The following HEBP2 variants were observed in gnomAD, a reference collection of about 807,000 sequenced individuals.
HEBP2 encodes the protein heme-binding protein 2.
HEBP2 carries 27 observed loss-of-function variants against 23.1 expected under a neutral mutation model. The ratio of observed to expected loss-of-function variants is 1.17; its 90% CI spans 0.86 to 1.61. The LOEUF (loss-of-function observed/expected upper bound fraction) is 1.61, where lower values mean the gene tolerates loss of function less well. HEBP2 is among the 40% of genes most tolerant of loss of function. HEBP2 has a pLI of 0.00. For missense variants in HEBP2, 245 were observed against 253.8 expected (o/e 0.97, Z 0.24); for synonymous variants, 99 against 95.1 (o/e 1.04, Z -0.24).
Position 138,421,373 on chromosome 6 carries a change from C to T in HEBP2, c.*8295C>T, listed in dbSNP as rs980960914. 3.9e-5 allele frequency: 6 copies of T among 152,186 alleles called. No homozygotes were observed. Among genetic ancestry groups the T allele is most frequent in the Non-Finnish European group, 8.8e-5 (6 of 68,018 alleles). 9.4% of individuals were successfully genotyped at this position (152,186 alleles called of 1,614,324 possible). On this transcript the variant is annotated 3_prime_UTR_variant, in exon 4 of 4. Transcript: ENST00000607197. ...ACGTCTCCTTTTCACTGTGATTCTCCTAAGGAATATACAGTCACCCCCACA... is the reference window on the plus strand; with the variant it reads ...ACGTCTCCTTTTCACTGTGATTCTCTTAAGGAATATACAGTCACCCCCACA...
In HEBP2 at chr6:138,405,254, G is replaced by GCTA; in HGVS notation, c.214_216dup (p.Tyr72dup). ...CAGACGGGCTTTACGAAACTGAACAGCTACATTCAAGGCAAAAACGAGAAA... is the reference window on the plus strand; with the variant it reads ...CAGACGGGCTTTACGAAACTGAACAGCTACTACATTCAAGGCAAAAACGAGAAA... On this transcript the variant is annotated inframe_insertion, in exon 2 of 4. Coordinates refer to ENST00000607197, the MANE Select transcript of HEBP2 (RefSeq NM_014320.3). The GCTA allele has an allele frequency of 6.2e-7, 1 of 1,614,166 alleles. No individual in the cohort carries two copies. The highest frequency in any genetic ancestry group is 8.5e-7 in the Non-Finnish European group (1 of 1,180,020).
At chr6:138,404,171 G>A (rs1583100206), upstream of HEBP2, 1 of 247,592 alleles carries the variant, frequency 4.0e-6, no homozygotes, top group South Asian at 1.7e-4. Flanking sequence ...AACAAAGGCG[G>A]GGCGGGGGCG....
chr6:138,405,228 C>G lies in HEBP2; in HGVS notation c.186C>G (p.Ile62Met), dbSNP rs575066766. The stretch of plus-strand genomic sequence containing the variant: ...AGTCTATGGACTGGGATTCAGCCAT[C>G]CAGACGGGCTTTACGAAACTGAACA... ...SVESMDWDSAIQTGFTKLNSY... is the reference protein window; with the variant it reads ...SVESMDWDSAMQTGFTKLNSY... Residue 62 changes from isoleucine to methionine, a missense_variant, in exon 2 of 4, where the codon ATC becomes ATG. Ile to Met is a conservative substitution (Grantham distance 10). Transcript: ENST00000607197. 1 of 1,614,160 alleles carries G rather than the reference C, an allele frequency of 6.2e-7. No homozygotes were observed. The highest frequency in any genetic ancestry group is 1.7e-5 in the Admixed American group (1 of 60,028).
At position 138,412,917 on chromosome 6, in the gene HEBP2, G is replaced by T. The variant is rs34750897; in HGVS notation, c.457G>T (p.Glu153Ter). 5.6e-6 allele frequency: 9 copies of T among 1,613,868 alleles called. No individual in the cohort carries two copies. The African/African-American group carries it at 1.1e-4, about 19-fold the overall frequency. ...ATTTTCTAGTGCCCAAAAGAATCAA[G>T]AACAACTTTTGACATTAGCAAGCAT... ...DGFSSAQKNQEQLLTLASILR... is the reference protein window; with the variant it reads ...DGFSSAQKNQ The change falls in exon 4 of 4, where the codon GAA becomes TAA. Residue 153 changes from glutamate to a stop codon, truncating the protein, a stop_gained. Coordinates refer to ENST00000607197, the MANE Select transcript of HEBP2 (RefSeq NM_014320.3). LOFTEE classifies it high-confidence loss of function.
In HEBP2 at chr6:138,408,509, C is replaced by A. The variant is rs772077618; in HGVS notation, c.419+2358C>A. Among the ~76,000 whole-genome samples the A allele has an allele frequency of 3.4e-3, 524 of 152,224 alleles. 3 individuals carry two copies. The highest frequency in any genetic ancestry group is 4.3e-3 in the Non-Finnish European group (293 of 68,006). On this transcript the variant is annotated intron_variant, in intron 3 of 3. Coordinates refer to ENST00000607197, the MANE Select transcript of HEBP2 (RefSeq NM_014320.3). Reference sequence around the variant, plus strand: ...CGAGACCTTATGAGAATGGCCTTTACCGCAAATCACCATGATCTGGTATGA... The same window carrying A: ...CGAGACCTTATGAGAATGGCCTTTAACGCAAATCACCATGATCTGGTATGA...
Position 138,419,740 on chromosome 6 carries a change from G to A in HEBP2, c.*6662G>A, listed in dbSNP as rs748857211. 3 of 152,226 alleles carry A rather than the reference G, an allele frequency of 2.0e-5. No homozygotes were observed. The highest frequency in any genetic ancestry group is 4.4e-5 in the Non-Finnish European group (3 of 68,044). The allele number at this position is 152,226 out of a possible 1,614,324, so 9.4% of individuals were successfully genotyped here. ...ATAGATTTCAGAACCAAGGAGTGGAGGCAGGAGTGACCCCACTTACCATCG... is the reference window on the plus strand; with the variant it reads ...ATAGATTTCAGAACCAAGGAGTGGAAGCAGGAGTGACCCCACTTACCATCG... On this transcript the variant is annotated 3_prime_UTR_variant, in exon 4 of 4. Transcript: ENST00000607197.
In HEBP2 at chr6:138,413,260, G is replaced by C; in HGVS notation, c.*182G>C. The stretch of plus-strand genomic sequence containing the variant: ...TTATCTACATACACAGGTAACAGAG[G>C]ACAGTAGTCTGTAAACATATAAATC... On this transcript the variant is annotated 3_prime_UTR_variant, in exon 4 of 4. Transcript: ENST00000607197. 1 of 568,972 alleles carries C rather than the reference G, an allele frequency of 1.8e-6. No homozygotes were observed. Among genetic ancestry groups the C allele is most frequent in the Non-Finnish European group, 3.1e-6 (1 of 319,382 alleles). The allele number at this position is 568,972 out of a possible 1,614,324, so 35.2% of individuals were successfully genotyped here.
In HEBP2 at chr6:138,417,359, A is replaced by G. The variant is rs1297880803; in HGVS notation, c.*4281A>G. 6.6e-6 allele frequency: 1 copy of G among 152,248 alleles called. No homozygotes were observed. The highest frequency in any genetic ancestry group is 1.5e-5 in the Non-Finnish European group (1 of 68,042). The allele number at this position is 152,248 out of a possible 1,614,324, so 9.4% of individuals were successfully genotyped here. On this transcript the variant is annotated 3_prime_UTR_variant, in exon 4 of 4. Transcript: ENST00000607197. ...AACCATAATAAATATTGCCTTGAAC[A>G]GTATTTTTTAAGCACCTCGGGTGAA...
intron 3 of HEBP2, among the ~76,000 whole-genome samples, chr6:138,406,372 A>G (rs1319628219): frequency 6.6e-6 from 1 of 152,256 alleles, no homozygotes; most frequent in East Asian, 1.9e-4. Context: ...TGCCCTTCAT[A>G]TAAGACACGG....
Position 138,414,299 on chromosome 6 carries a change from A to G in HEBP2, c.*1221A>G, listed in dbSNP as rs1774805216. ...AACTGCGGACCTTATGCAGGGTTTTAGGAAGGATTAACAGACTTTCAAAAG... is the reference window on the plus strand; with the variant it reads ...AACTGCGGACCTTATGCAGGGTTTTGGGAAGGATTAACAGACTTTCAAAAG... On this transcript the variant is annotated 3_prime_UTR_variant, in exon 4 of 4. Transcript: ENST00000607197. The G allele has an allele frequency of 6.6e-6, 1 of 152,268 alleles. No individual in the cohort carries two copies. The highest frequency in any genetic ancestry group is 2.4e-5 in the African/African-American group (1 of 41,468). 9.4% of individuals were successfully genotyped at this position (152,268 alleles called of 1,614,324 possible). A position where few individuals can be genotyped will look rare whatever the true frequency, so the allele number is the denominator to read the frequency against.
At chr6:138,405,061 C>T (rs1472044648) in intron 1 of HEBP2, 84 bp from the exon 2 acceptor site, 1 of 1,489,708 alleles carries the variant, frequency 6.7e-7, no homozygotes, top group African/African-American at 1.4e-5. Context: ...TCCAGGTCGA[C>T]CCGAGATCAT....
In HEBP2 at chr6:138,420,886, T is replaced by C. The variant is rs1774915837; in HGVS notation, c.*7808T>C. ...TAAACTGGCAGTAGGATCATGCCCCTCACTGATAGCTCAACCACGTTTTCT... is the reference window on the plus strand; with the variant it reads ...TAAACTGGCAGTAGGATCATGCCCCCCACTGATAGCTCAACCACGTTTTCT... On this transcript the variant is annotated 3_prime_UTR_variant, in exon 4 of 4. Transcript: ENST00000607197. The C allele has an allele frequency of 6.6e-6, 1 of 152,248 alleles. No individual in the cohort carries two copies. The highest frequency in any genetic ancestry group is 1.5e-5 in the Non-Finnish European group (1 of 68,044). The allele number at this position is 152,248 out of a possible 1,614,324, so 9.4% of individuals were successfully genotyped here. A position where few individuals can be genotyped will look rare whatever the true frequency, so the allele number is the denominator to read the frequency against.
In HEBP2 at chr6:138,404,507, G is replaced by T. The variant is rs1333629583; in HGVS notation, c.12G>T (p.Pro4=). The T allele has an allele frequency of 7.7e-7, 1 of 1,306,258 alleles. No individual in the cohort carries two copies. Among genetic ancestry groups the T allele is most frequent in the African/African-American group, 1.5e-5 (1 of 65,100 alleles). The allele number at this position is 1,306,258 out of a possible 1,614,324, so 80.9% of individuals were successfully genotyped here. A position where few individuals can be genotyped will look rare whatever the true frequency, so the allele number is the denominator to read the frequency against. ...CGTCAGCGCCGCCCATGGCCGAGCC[G>T]CTCCAGCCAGACCCCGGGGCGGCCG... The part of the protein sequence containing the change: MAE[P]LQPDPGAAED... The change falls in exon 1 of 4, where the codon CCG becomes CCT. Residue 4 remains proline, a synonymous_variant. Transcript: ENST00000607197.
At chr6:138,412,557 G>A (rs1314131401) in intron 3 of HEBP2, among the ~76,000 whole-genome samples, 5 of 152,222 alleles carry the variant, frequency 3.3e-5, no homozygotes, top group East Asian at 3.9e-4. Context: ...AGGTTCAAGC[G>A]ATTCTCCTGC....
chr6:138,406,385 C>A (rs1356461174), intron 3 of HEBP2, among the ~76,000 whole-genome samples: 1 of 152,176 alleles, frequency 6.6e-6, no homozygotes, highest in African/African-American at 2.4e-5. Flanking sequence ...AGACACGGTG[C>A]AAATTATATG....
chr6:138,410,637 C>T (rs950626192), intron 3 of HEBP2, among the ~76,000 whole-genome samples: 6 of 152,118 alleles, frequency 3.9e-5, no homozygotes, highest in Non-Finnish European at 7.4e-5. Flanking sequence ...CACCCCTCCT[C>T]ACTATGCCTG....
At position 138,420,954 on chromosome 6, in the gene HEBP2, T is replaced by G. The variant is rs1167363861; in HGVS notation, c.*7876T>G. On this transcript the variant is annotated 3_prime_UTR_variant, in exon 4 of 4. Transcript: ENST00000607197. The stretch of plus-strand genomic sequence containing the variant: ...TCTTTACCTAGCACATGAGAAGCAT[T>G]TATTAGGACTTTTTTTCCCCCATTG... 1 of 152,236 alleles carries G rather than the reference T, an allele frequency of 6.6e-6. No individual in the cohort carries two copies. The highest frequency in any genetic ancestry group is 2.4e-5 in the African/African-American group (1 of 41,540). The allele number at this position is 152,236 out of a possible 1,614,324, so 9.4% of individuals were successfully genotyped here.
At chr6:138,412,495 C>A (rs1368954700) in intron 3 of HEBP2, among the ~76,000 whole-genome samples, 1 of 152,038 alleles carries the variant, frequency 6.6e-6, no homozygotes, top group African/African-American at 2.4e-5. Context: ...ACTCTGTCGC[C>A]CAGGCTGGAG....
rs1190858894 is a variant in HEBP2 at position 138,420,143 on chromosome 6, C to T, written c.*7065C>T. On this transcript the variant is annotated 3_prime_UTR_variant, in exon 4 of 4. Coordinates refer to ENST00000607197, the MANE Select transcript of HEBP2 (RefSeq NM_014320.3). ...CCTGGTCTGAGAAGGGTTTGGCTCC[C>T]AGGAGCTCAGGACCCTCAGGAATGA... 6.6e-6 allele frequency: 1 copy of T among 152,160 alleles called. No individual in the cohort carries two copies. The highest frequency in any genetic ancestry group is 2.4e-5 in the African/African-American group (1 of 41,396). 9.4% of individuals were successfully genotyped at this position (152,160 alleles called of 1,614,324 possible).
Sources: gnomAD v4.1 joint callset for allele counts (sites outside exome capture counted in the v4.1 genomes callset) on GRCh38, gnomAD v4.1.1 for gene constraint, MANE v1.5 for transcripts, NCBI Gene and HGNC (gene_info 2026-07-23, HGNC 2026-07-21) for gene names.